The following ARHGAP6 variants were observed in gnomAD, a reference collection of about 807,000 sequenced individuals.
ARHGAP6 encodes the protein rho GTPase-activating protein 6.
A neutral mutation model predicts 55.7 loss-of-function variants in ARHGAP6; 16 were observed. The observed-to-expected ratio is 0.29, with a 90% CI of 0.19 to 0.44. The LOEUF (loss-of-function observed/expected upper bound fraction) is 0.44. ARHGAP6 is among the 20% of genes least tolerant of loss of function. The pLI, the probability that ARHGAP6 is intolerant of heterozygous loss-of-function variation, is 1.00. For synonymous variants in ARHGAP6, 382 were observed against 360.9 expected (o/e 1.06, Z -0.66); for missense variants, 698 against 808.9 (o/e 0.86, Z 1.66).
At chrX:11,431,775 T>C (rs1269764732) in intron 1 of ARHGAP6, among the ~76,000 whole-genome samples, 1 of 112,386 alleles carries the variant, frequency 8.9e-6, no homozygotes, top group Non-Finnish European at 1.9e-5. Context: ...CTGTCTAACC[T>C]TCACTGAGGT....
intron 1 of ARHGAP6, among the ~76,000 whole-genome samples, chrX:11,280,423 A>T (rs2047839695): frequency 8.9e-6 from 1 of 111,836 alleles, no homozygotes; most frequent in Non-Finnish European, 1.9e-5. Context: ...AAGAGGCACT[A>T]GCTCACTAGA....
chrX:11,453,222 CTA>C (rs775999221), intron 1 of ARHGAP6, among the ~76,000 whole-genome samples: 2 of 95,160 alleles, frequency 2.1e-5, no homozygotes, highest in Admixed American at 1.2e-4. Context: ...TATATATATG[CTA>C]TATATATACA....
At chrX:11,316,743 T>C (rs1010501538) in intron 1 of ARHGAP6, among the ~76,000 whole-genome samples, 3 of 112,275 alleles carry the variant, frequency 2.7e-5, no homozygotes, top group African/African-American at 9.7e-5. Context: ...GAAAGCACCA[T>C]TTTAGTCTCT....
chrX:11,485,346 T>C (rs1245067461), intron 1 of ARHGAP6, among the ~76,000 whole-genome samples: 1 of 106,530 alleles, frequency 9.4e-6, no homozygotes, highest in African/African-American at 3.5e-5. Context: ...GAGGGAGAAG[T>C]AAGCTTCCAA....
chrX:11,392,797 C>A (rs898732038), intron 1 of ARHGAP6, among the ~76,000 whole-genome samples: 1 of 111,762 alleles, frequency 8.9e-6, no homozygotes, highest in Non-Finnish European at 1.9e-5. Context: ...TTTATTTTTT[C>A]AACACACTCT....
At chrX:11,282,507 C>A (rs56184650) in intron 1 of ARHGAP6, among the ~76,000 whole-genome samples, 1,465 of 112,194 alleles carry the variant, frequency 0.013, 15 homozygotes, top group Middle Eastern at 0.027. Flanking sequence ...ATTAGAAAAA[C>A]ATCCACTGAT....
chrX:11,168,216 T>C (rs1217772700), intron 9 of ARHGAP6, among the ~76,000 whole-genome samples: 2 of 112,346 alleles, frequency 1.8e-5, no homozygotes, highest in Admixed American at 1.9e-4. Context: ...ACTTAACACC[T>C]GATTAAACTT....
intron 1 of ARHGAP6, among the ~76,000 whole-genome samples, chrX:11,468,935 A>G (rs887589878): frequency 8.9e-6 from 1 of 112,448 alleles, no homozygotes; most frequent in Non-Finnish European, 1.9e-5. Context: ...TCATGAATGG[A>G]ATTCATGTCT....
At chrX:11,184,102 G>A (rs1187138527) in intron 5 of ARHGAP6, among the ~76,000 whole-genome samples, 2 of 112,058 alleles carry the variant, frequency 1.8e-5, no homozygotes, top group East Asian at 2.8e-4. Flanking sequence ...GGATCCAGCC[G>A]TGCCTAAATC....
At position 11,595,315 on chromosome X, in the gene ARHGAP6, G is replaced by T. The variant is rs770349028; in HGVS notation, c.588+68926C>A. Among the ~76,000 whole-genome samples, 83 of 107,925 alleles carry T rather than the reference G, an allele frequency of 7.7e-4. 1 individual carries two copies. The highest frequency in any genetic ancestry group is 4.8e-3 in the Middle Eastern group (1 of 207). 93.7% of individuals were successfully genotyped at this position (107,925 alleles called of 115,157 possible). A position where few individuals can be genotyped will look rare whatever the true frequency, so the allele number is the denominator to read the frequency against. ...AAGAGAAAAAAAAAAAAAAAAGAAG[G>T]ATCAAAAAGAAAAGATTCCCTGTTT... On this transcript the variant is annotated intron_variant, in intron 1 of 12. Coordinates refer to ENST00000337414, the MANE Select transcript of ARHGAP6 (RefSeq NM_013427.3).
chrX:11,187,021 C>A (rs2046394435), intron 4 of ARHGAP6, among the ~76,000 whole-genome samples: 1 of 110,977 alleles, frequency 9.0e-6, no homozygotes, highest in African/African-American at 3.3e-5. Flanking sequence ...GCAACTGGAG[C>A]TCAATCTTTC....
In ARHGAP6 at chrX:11,573,096, G is replaced by C. The variant is rs773744662; in HGVS notation, c.588+91145C>G. 6.3e-5 allele frequency among the ~76,000 whole-genome samples: 7 copies of C among 111,596 alleles called. No individual in the cohort carries two copies. The South Asian group carries it at 2.3e-3, about 36-fold the overall frequency. On this transcript the variant is annotated intron_variant, in intron 1 of 12. Transcript: ENST00000337414. ...GATTCTGAATATTAGCCCTTTGTCA[G>C]ATGAGTAGGTTGCGAAAATGTTCTA...
chrX:11,146,385 T>TA (rs2045692105), intron 10 of ARHGAP6, among the ~76,000 whole-genome samples: 1 of 111,429 alleles, frequency 9.0e-6, no homozygotes, highest in Non-Finnish European at 1.9e-5. Context: ...AGGTGTCTCA[T>TA]AGTAGACACA....
chrX:11,372,323 A>G (rs912740665), intron 1 of ARHGAP6, among the ~76,000 whole-genome samples: 2 of 112,251 alleles, frequency 1.8e-5, no homozygotes, highest in African/African-American at 6.5e-5. Context: ...TTAAAGCTAA[A>G]CATTTTTCTC....
intron 6 of ARHGAP6, 98 bp downstream of exon 6, chrX:11,181,965 A>AT: frequency 6.0e-6 from 4 of 672,127 alleles, no homozygotes; most frequent in Admixed American, 2.9e-5. Flanking sequence ...AAAAAAAAAA[A>AT]GATAATCAAA....
At chrX:11,272,225 T>C (rs2047701017) in intron 1 of ARHGAP6, among the ~76,000 whole-genome samples, 1 of 111,648 alleles carries the variant, frequency 9.0e-6, no homozygotes. Context: ...TTACCACAGG[T>C]GGATAGTGGC....
At chrX:11,645,174 A>AGGG (rs749329378) in intron 1 of ARHGAP6, among the ~76,000 whole-genome samples, 49 of 111,776 alleles carry the variant, frequency 4.4e-4, no homozygotes, top group African/African-American at 1.5e-3. Flanking sequence ...GGTTGCCAGT[A>AGGG]GGGGCAGGTT....
chrX:11,538,997 G>A (rs778065688), intron 1 of ARHGAP6, among the ~76,000 whole-genome samples: 6 of 110,624 alleles, frequency 5.4e-5, no homozygotes, highest in Non-Finnish European at 9.5e-5. Context: ...TGGGACTACA[G>A]GTGTGTGCCA....
rs772776569 is a variant in ARHGAP6 at position 11,664,334 on chromosome X, G to A, written c.495C>T (p.Gly165=). 2.5e-6 allele frequency: 3 copies of A among 1,212,173 alleles called. No homozygotes were observed. The highest frequency in any genetic ancestry group is 2.2e-5 in the Admixed American group (1 of 46,143). Residue 165 remains glycine, a synonymous_variant, in exon 1 of 13, where the codon GGC becomes GGT. Coordinates refer to ENST00000337414, the MANE Select transcript of ARHGAP6 (RefSeq NM_013427.3). ...ILCSSGGGPN[G]IFASPRRWLQ... ...GCCACCTCCTAGGAGAAGCGAAGAT[G>A]CCATTGGGGCCTCCCCCGGATGAAC... is the stretch of plus-strand genomic sequence containing the variant.
Sources: gnomAD v4.1 joint callset for allele counts (sites outside exome capture counted in the v4.1 genomes callset) on GRCh38, gnomAD v4.1.1 for gene constraint, MANE v1.5 for transcripts, NCBI Gene and HGNC (gene_info 2026-07-23, HGNC 2026-07-21) for gene names.